The following NINJ1 variants were observed in gnomAD, a reference collection of about 807,000 sequenced individuals.
The protein encoded by NINJ1 is ninjurin 1.
In NINJ1, 6 loss-of-function variants were observed where a neutral mutation model predicts 12.7. The observed-to-expected ratio is 0.47, with a 90% CI of 0.26 to 0.93. The LOEUF is 0.93. Among genes scored for constraint, NINJ1 ranks in the 40% least tolerant of loss-of-function variants. The pLI, the probability that NINJ1 is intolerant of heterozygous loss-of-function variation, is 0.15. For synonymous variants in NINJ1, 100 were observed against 96.0 expected (o/e 1.04, Z -0.25); for missense variants, 170 against 213.0 (o/e 0.80, Z 1.26).
At chr9:93,132,424 A>G (rs1827908580) in intron 1 of NINJ1, among the ~76,000 whole-genome samples, 1 of 151,710 alleles carries the variant, frequency 6.6e-6, no homozygotes, top group Admixed American at 6.6e-5. Context: ...TCTGTGGTCC[A>G]GCCTCTGAGC....
At chr9:93,127,830 T>C (rs1031463234) in intron 1 of NINJ1, among the ~76,000 whole-genome samples, 6 of 152,132 alleles carry the variant, frequency 3.9e-5, no homozygotes, top group Admixed American at 2.6e-4. Flanking sequence ...TCCAGACTCA[T>C]GAAAGATGCA....
chr9:93,128,341 G>A (rs922597205), intron 1 of NINJ1, among the ~76,000 whole-genome samples: 2 of 152,220 alleles, frequency 1.3e-5, no homozygotes, highest in Non-Finnish European at 2.9e-5. Flanking sequence ...CCAAGTGAGA[G>A]GCTGTGTTCC....
chr9:93,127,054 AG>A (rs1404466524), intron 1 of NINJ1, among the ~76,000 whole-genome samples: 1 of 152,058 alleles, frequency 6.6e-6, no homozygotes, highest in Non-Finnish European at 1.5e-5. Flanking sequence ...GTGGGCGGAC[AG>A]ATCTGTGCAC....
At chr9:93,123,303 G>C (rs753249447) in intron 3 of NINJ1, among the ~76,000 whole-genome samples, 62 of 151,060 alleles carry the variant, frequency 4.1e-4, no homozygotes, top group Admixed American at 1.2e-3. Flanking sequence ...TTTTTTTCCC[G>C]AGATGGAGTC....
intron 1 of NINJ1, among the ~76,000 whole-genome samples, chr9:93,129,142 G>A (rs997279472): frequency 6.6e-6 from 1 of 150,456 alleles, no homozygotes; most frequent in East Asian, 2.0e-4. Context: ...CTGTCCTCAT[G>A]CCCACTTAAG....
chr9:93,130,009 C>A (rs371762228), intron 1 of NINJ1, among the ~76,000 whole-genome samples: 34 of 152,220 alleles, frequency 2.2e-4, no homozygotes, highest in Non-Finnish European at 3.7e-4. Context: ...GGTGAGGGAG[C>A]CCTGTGGTCC....
chr9:93,123,330 G>T (rs867873279), intron 3 of NINJ1, among the ~76,000 whole-genome samples: 3 of 152,098 alleles, frequency 2.0e-5, no homozygotes, highest in Middle Eastern at 3.2e-3. Flanking sequence ...TGTTGCCCAG[G>T]CTGGAGTGCA....
intron 1 of NINJ1, among the ~76,000 whole-genome samples, 195 bp downstream of exon 1, chr9:93,133,948 C>T (rs1268600792): frequency 1.3e-5 from 2 of 152,190 alleles, no homozygotes; most frequent in East Asian, 3.9e-4. Flanking sequence ...CTCGTCCCGC[C>T]CACTTGCCGG....
intron 1 of NINJ1, among the ~76,000 whole-genome samples, chr9:93,132,171 C>T (rs1827903863): frequency 4.6e-5 from 7 of 152,212 alleles, no homozygotes; most frequent in Admixed American, 4.6e-4. Flanking sequence ...GCCCAAGAAA[C>T]GGAGAAGCAA....
rs1564218519 is a variant in NINJ1 at position 93,124,961 on chromosome 9, T to C, written c.406A>G (p.Ile136Val). 1.2e-6 allele frequency: 2 copies of C among 1,614,122 alleles called. No homozygotes were observed. ...VFIIVVVNIF[I>V]TAFGVQKPLM... ...GGCTTCTGGACCCCGAAGGCCGTGA[T>C]GAAGATGTTGACTACCACGATGATG... The change falls in exon 3 of 4, where the codon ATC becomes GTC. Residue 136 changes from isoleucine to valine, a missense_variant. Ile to Val is a conservative substitution (Grantham distance 29). Coordinates refer to ENST00000375446, the MANE Select transcript of NINJ1 (RefSeq NM_004148.4).
In NINJ1 at chr9:93,126,647, A is replaced by AG. The variant is rs1564219196; in HGVS notation, c.76-10dup. On this transcript the variant is annotated splice_polypyrimidine_tract_variant and intron_variant, in intron 1 of 3. Coordinates refer to ENST00000375446, the MANE Select transcript of NINJ1 (RefSeq NM_004148.4). ...CAGCCCCAGCGGGCCGGCTGCAGGGAGGGGAATGGTCAGCAAGGCGGGTGG... is the reference window on the plus strand; with the variant it reads ...CAGCCCCAGCGGGCCGGCTGCAGGGAGGGGGAATGGTCAGCAAGGCGGGTGG... 7.0e-7 allele frequency: 1 copy of AG among 1,433,890 alleles called. No individual in the cohort carries two copies. Among genetic ancestry groups the AG allele is most frequent in the East Asian group, 2.6e-5 (1 of 37,804 alleles). 88.8% of individuals were successfully genotyped at this position (1,433,890 alleles called of 1,614,324 possible).
intron 1 of NINJ1, among the ~76,000 whole-genome samples, chr9:93,129,249 G>A (rs1827856720): frequency 6.6e-6 from 1 of 152,226 alleles, no homozygotes; most frequent in Non-Finnish European, 1.5e-5. Context: ...CCGGGGCTCA[G>A]AAGCTCTGGT....
chr9:93,131,262 TTCCCA>T (rs1827889396), intron 1 of NINJ1, among the ~76,000 whole-genome samples: 1 of 152,070 alleles, frequency 6.6e-6, no homozygotes, highest in East Asian at 1.9e-4. Context: ...GAAGGCGGGG[TTCCCA>T]CCACAGCTGG....
chr9:93,130,396 G>A (rs939885801), intron 1 of NINJ1, among the ~76,000 whole-genome samples: 8 of 152,352 alleles, frequency 5.3e-5, no homozygotes, highest in Admixed American at 3.3e-4. Context: ...CCACCGGCCT[G>A]GCTCTGGCCA....
chr9:93,121,563 C>T lies in NINJ1; in HGVS notation c.*677G>A, dbSNP rs1224063377. On this transcript the variant is annotated 3_prime_UTR_variant, in exon 4 of 4. Transcript: ENST00000375446. Reference sequence around the variant, plus strand: ...TTAGAAAAGTGGGTGCTGGGACCCCCGTGGAGGGGGTTGGGCTCTGCCCGG... The same window carrying T: ...TTAGAAAAGTGGGTGCTGGGACCCCTGTGGAGGGGGTTGGGCTCTGCCCGG... 1 of 152,440 alleles carries T rather than the reference C, an allele frequency of 6.6e-6. No homozygotes were observed. The highest frequency in any genetic ancestry group is 1.5e-5 in the Non-Finnish European group (1 of 68,198). 9.4% of individuals were successfully genotyped at this position (152,440 alleles called of 1,614,324 possible).
At chr9:93,125,826 G>C (rs1203731183) in intron 2 of NINJ1, 2 of 153,650 alleles carry the variant, frequency 1.3e-5, no homozygotes, top group Non-Finnish European at 2.9e-5. Context: ...TGAGGCAGAA[G>C]GCTCGCTTGA....
At chr9:93,132,591 G>A (rs1480356389) in intron 1 of NINJ1, among the ~76,000 whole-genome samples, 3 of 152,178 alleles carry the variant, frequency 2.0e-5, no homozygotes, top group Admixed American at 6.5e-5. Flanking sequence ...CCCCACGATG[G>A]GCTCCCAGCC....
intron 1 of NINJ1, among the ~76,000 whole-genome samples, chr9:93,132,732 G>A (rs1827914113): frequency 6.6e-6 from 1 of 152,202 alleles, no homozygotes; most frequent in Non-Finnish European, 1.5e-5. Flanking sequence ...AGTGATCCGG[G>A]AACAAATCCA....
chr9:93,127,167 C>A (rs948540035), intron 1 of NINJ1, among the ~76,000 whole-genome samples: 1 of 152,190 alleles, frequency 6.6e-6, no homozygotes, highest in Non-Finnish European at 1.5e-5. Flanking sequence ...ACAGGCCACT[C>A]GCCTCCAGGC....
Sources: allele counts gnomAD v4.1 joint callset (sites outside exome capture counted in the v4.1 genomes callset), GRCh38; gene constraint gnomAD v4.1.1; transcripts MANE v1.5; gene names NCBI Gene and HGNC (gene_info 2026-07-23, HGNC 2026-07-21).